MORN1: variants seen among roughly 807,000 people sequenced by gnomAD.
The protein encoded by MORN1 is MORN repeat-containing protein 1.
MORN1 carries 67 observed loss-of-function variants against 61.9 expected under a neutral mutation model. The ratio of observed to expected loss-of-function variants is 1.08; its 90% CI spans 0.89 to 1.33. The LOEUF is 1.33. Among genes scored for constraint, MORN1 ranks in the 40% most tolerant of loss-of-function variants. MORN1 has a pLI of 0.00. For synonymous variants in MORN1, 301 were observed against 292.0 expected, an observed-to-expected ratio of 1.03 and a Z score of -0.31; for missense variants, 752 against 691.2, an observed-to-expected ratio of 1.09 and a Z score of -0.99.
intron 10 of MORN1, among the ~76,000 whole-genome samples, chr1:2,348,393 G>A (rs61762094): frequency 0.15 from 23,526 of 152,156 alleles, 2,025 homozygotes; most frequent in Middle Eastern, 0.25. Context: ...GGCTGGTGGC[G>A]CGTCTCCGTG....
chr1:2,335,019 C>T (rs893457834), intron 12 of MORN1, among the ~76,000 whole-genome samples: 4 of 152,246 alleles, frequency 2.6e-5, no homozygotes, highest in African/African-American at 9.6e-5. Context: ...AGGGCCCCAG[C>T]ACCTGCAGGA....
intron 8 of MORN1, among the ~76,000 whole-genome samples, chr1:2,366,587 G>A (rs569545193): frequency 1.3e-5 from 2 of 152,208 alleles, no homozygotes; most frequent in African/African-American, 2.4e-5. Flanking sequence ...ACAGTGGTGC[G>A]ATCTCAGCTC....
intron 12 of MORN1, among the ~76,000 whole-genome samples, chr1:2,324,677 G>A (rs1403769427): frequency 6.6e-6 from 1 of 152,146 alleles, no homozygotes; most frequent in African/African-American, 2.4e-5. Context: ...TAGCAGTGAG[G>A]ATGGGAGGGG....
intron 8 of MORN1, 131 bp from the exon 9 acceptor site, chr1:2,358,846 T>G: frequency 8.6e-7 from 1 of 1,167,164 alleles, no homozygotes; most frequent in Non-Finnish European, 1.2e-6. Context: ...GCTGTGACCC[T>G]GGTGGGCTGA....
chr1:2,381,518 G>A (rs972890759), intron 6 of MORN1, among the ~76,000 whole-genome samples: 1 of 152,182 alleles, frequency 6.6e-6, no homozygotes, highest in Non-Finnish European at 1.5e-5. Flanking sequence ...GGGAGGGTGT[G>A]CGGGCCTCGG....
At chr1:2,360,437 C>T (rs895494518) in intron 8 of MORN1, among the ~76,000 whole-genome samples, 8 of 152,146 alleles carry the variant, frequency 5.3e-5, no homozygotes, top group African/African-American at 1.9e-4. Context: ...AAACAAACGG[C>T]GTGGACTCTA....
rs1641798143 is a variant in MORN1 at position 2,357,359 on chromosome 1, C to T, written c.1036+73G>A. On this transcript the variant is annotated intron_variant, in intron 10 of 13. Transcript: ENST00000378531. The surrounding 1 kb of genome is among the most constrained non-coding windows in gnomAD (Gnocchi z 6.3). The stretch of plus-strand genomic sequence containing the variant: ...CTGCTCTGGCCTGGTTCTGGGTCCC[C>T]ATGACCCCACCCCCACCTTGACTGC... 1 of 1,504,346 alleles carries T rather than the reference C, an allele frequency of 6.6e-7. No homozygotes were observed. The allele number at this position is 1,504,346 out of a possible 1,614,324, so 93.2% of individuals were successfully genotyped here. A position where few individuals can be genotyped will look rare whatever the true frequency, so the allele number is the denominator to read the frequency against.
chr1:2,345,834 C>A (rs1361178648), intron 10 of MORN1, among the ~76,000 whole-genome samples: 1 of 61,768 alleles, frequency 1.6e-5, no homozygotes, highest in Non-Finnish European at 3.3e-5. Context: ...TGCGGCCACA[C>A]ACACACACAC....
chr1:2,334,672 C>T lies in MORN1; in HGVS notation c.1250+1797G>A, dbSNP rs190111278. 5.1e-4 allele frequency among the ~76,000 whole-genome samples: 78 copies of T among 152,328 alleles called. No homozygotes were observed. Among genetic ancestry groups the T allele is most frequent in the Non-Finnish European group, 8.7e-4 (59 of 68,030 alleles). On this transcript the variant is annotated intron_variant, in intron 12 of 13. Coordinates refer to ENST00000378531, the MANE Select transcript of MORN1 (RefSeq NM_024848.3). This position sits in a 1 kb window ranked among gnomAD's most constrained non-coding sequence, Gnocchi z 5.4. ...CCGAAGAGACGACATCATTTGAACA[C>T]TGAACACTCCGACTCCGCGGCCAGG...
At chr1:2,361,566 CAAAT>C (rs879712737) in intron 8 of MORN1, among the ~76,000 whole-genome samples, 3 of 151,774 alleles carry the variant, frequency 2.0e-5, no homozygotes, top group Non-Finnish European at 2.9e-5. Context: ...AAAAAATTAA[CAAAT>C]AAATAAATAA....
rs529339763 is a variant in MORN1 at position 2,324,508 on chromosome 1, G to A, written c.1251-365C>T. Among the ~76,000 whole-genome samples, 7 of 152,342 alleles carry A rather than the reference G, an allele frequency of 4.6e-5. No homozygotes were observed. The East Asian group carries it at 1.2e-3, about 25-fold the overall frequency. ...TCCCGGAGGGCGGGAAAGACCCTGA[G>A]CCCCTGAGAGACGGCGAGGCTGGAG... On this transcript the variant is annotated intron_variant, in intron 12 of 13. Transcript: ENST00000378531.
chr1:2,380,306 C>T (rs529415242), intron 6 of MORN1, among the ~76,000 whole-genome samples: 10 of 152,272 alleles, frequency 6.6e-5, no homozygotes, highest in African/African-American at 1.2e-4. Flanking sequence ...TGTGGCTACA[C>T]GAAATGTGCC....
At chr1:2,323,116 C>T (rs1305066899) in intron 13 of MORN1, 1 of 985,458 alleles carries the variant, frequency 1.0e-6, no homozygotes. Flanking sequence ...GCAGAGATGT[C>T]CCCGCCCCCT....
intron 12 of MORN1, among the ~76,000 whole-genome samples, chr1:2,329,732 G>A (rs1444800631): frequency 1.3e-5 from 2 of 152,212 alleles, no homozygotes; most frequent in South Asian, 2.1e-4. Context: ...AGTCACCACC[G>A]CATCACGTGG....
chr1:2,354,023 G>A (rs996487042), intron 10 of MORN1, among the ~76,000 whole-genome samples: 1 of 152,208 alleles, frequency 6.6e-6, no homozygotes, highest in Admixed American at 6.5e-5. Flanking sequence ...GGTGGCTCAC[G>A]CCTGTGATCC....
At chr1:2,342,892 T>TTTTATTTTATTTTATTTTATTTTA (rs1641433456) in intron 10 of MORN1, among the ~76,000 whole-genome samples, 2 of 139,642 alleles carry the variant, frequency 1.4e-5, no homozygotes, top group African/African-American at 2.7e-5. Context: ...TTTTATTTTA[T>TTTTATTTTATTTTATTTTATTTTA]TTTATTTTAT....
intron 13 of MORN1, chr1:2,322,114 G>C (rs1224986343): frequency 1.0e-6 from 1 of 985,338 alleles, no homozygotes; most frequent in Non-Finnish European, 1.2e-6. Flanking sequence ...GGTGGGGCTG[G>C]AGGGCGGCCC....
rs1344263465 is a variant in MORN1, at chr1:2,374,441, A to G, written c.634+20T>C. On this transcript the variant is annotated intron_variant, in intron 7 of 13. Coordinates refer to ENST00000378531, the MANE Select transcript of MORN1 (RefSeq NM_024848.3). Reference sequence around the variant, plus strand: ...CCACAGTGGACCTCACAGTGCCCACAGGAAGGCAGGGACACCTACCTGCTG... The same window carrying G: ...CCACAGTGGACCTCACAGTGCCCACGGGAAGGCAGGGACACCTACCTGCTG... 1.3e-6 allele frequency: 2 copies of G among 1,561,770 alleles called. No homozygotes were observed. Among genetic ancestry groups the G allele is most frequent in the African/African-American group, 1.3e-5 (1 of 74,184 alleles).
rs1430737938 is a variant in MORN1 at position 2,324,261 on chromosome 1, G to A, written c.1251-118C>T. 7.5e-6 allele frequency: 8 copies of A among 1,066,478 alleles called. No homozygotes were observed. In the East Asian group the frequency reaches 1.6e-4, roughly 21 times the overall value. 66.1% of individuals were successfully genotyped at this position (1,066,478 alleles called of 1,614,324 possible). ...GCAGATTCAGGGCCCCAGCACAGCA[G>A]AGGCCTGCGAACCCCACCTCGGGGC... On this transcript the variant is annotated intron_variant, in intron 12 of 13. Coordinates refer to ENST00000378531, the MANE Select transcript of MORN1 (RefSeq NM_024848.3).
Sources: gnomAD v4.1 joint callset for allele counts (sites outside exome capture counted in the v4.1 genomes callset) on GRCh38, gnomAD v4.1.1 for gene constraint, Gnocchi (gnomAD v3.1) non-coding constraint, MANE v1.5 for transcripts, NCBI Gene and HGNC (gene_info 2026-07-23, HGNC 2026-07-21) for gene names.